ATP8A2: variants seen among roughly 807,000 people sequenced by gnomAD.
ATP8A2 encodes phospholipid-transporting ATPase IB.
A neutral mutation model predicts 165.6 loss-of-function variants in ATP8A2; 100 were observed. The observed-to-expected ratio is 0.60, with a 90% CI of 0.51 to 0.71. ATP8A2 has a LOEUF of 0.71. ATP8A2 is among the 30% of genes least tolerant of loss of function. ATP8A2 has a pLI of 0.00. For synonymous variants in ATP8A2, 543 were observed against 548.8 expected, an observed-to-expected ratio of 0.99 and a Z score of 0.15; for missense variants, 1,227 against 1,479.5, an observed-to-expected ratio of 0.83 and a Z score of 2.80.
chr13:25,858,228 T>C (rs1429441588), intron 30 of ATP8A2, among the ~76,000 whole-genome samples: 1 of 152,234 alleles, frequency 6.6e-6, no homozygotes, highest in Non-Finnish European at 1.5e-5. Context: ...TTTGAGTAAC[T>C]ATTTGCTAAT....
chr13:25,611,642 G>C (rs1264773928), intron 24 of ATP8A2, among the ~76,000 whole-genome samples: 2 of 152,048 alleles, frequency 1.3e-5, no homozygotes, highest in African/African-American at 4.8e-5. Context: ...TTTGGTATTA[G>C]GGTGACACTG....
intron 35 of ATP8A2, among the ~76,000 whole-genome samples, chr13:25,993,462 C>A (rs1054235322): frequency 1.3e-5 from 2 of 152,186 alleles, no homozygotes; most frequent in Non-Finnish European, 2.9e-5. Flanking sequence ...GTCAAATTGT[C>A]TCTGTTTGCA....
At chr13:25,727,700 G>A (rs2043525429) in intron 25 of ATP8A2, among the ~76,000 whole-genome samples, 1 of 152,146 alleles carries the variant, frequency 6.6e-6, no homozygotes, top group Non-Finnish European at 1.5e-5. Flanking sequence ...AAACGTAATT[G>A]TAGATTAACT....
At chr13:25,532,434 A>G (rs944434679) in intron 5 of ATP8A2, 117 bp downstream of exon 5, 1 of 660,058 alleles carries the variant, frequency 1.5e-6, no homozygotes, top group Admixed American at 3.4e-5. Context: ...GATGATCTAT[A>G]AAATAAAGAA....
rs146793643 is a variant in ATP8A2, at chr13:25,987,087, A to G, written c.3377+18408A>G. Among the ~76,000 whole-genome samples the G allele has an allele frequency of 1.8e-3, 269 of 152,376 alleles. 3 individuals carry two copies. The Middle Eastern group carries it at 0.034, about 19-fold the overall frequency. ...ATTCAGCTCATTCTTTAAAAAACTC[A>G]TAGCCCAAATGTTTGTTGGTTGTTT... On this transcript the variant is annotated intron_variant, in intron 35 of 36. Transcript: ENST00000381655.
At chr13:25,701,251 A>G (rs780325544) in intron 25 of ATP8A2, among the ~76,000 whole-genome samples, 21 of 152,134 alleles carry the variant, frequency 1.4e-4, no homozygotes, top group Non-Finnish European at 2.8e-4. Flanking sequence ...TCTCTTTTTA[A>G]AGTAGCTGAT....
chr13:25,936,826 A>G (rs758501171), intron 33 of ATP8A2, among the ~76,000 whole-genome samples: 7 of 152,118 alleles, frequency 4.6e-5, no homozygotes, highest in Non-Finnish European at 8.8e-5. Context: ...CACTGATGGT[A>G]TTGTCTACAC....
chr13:25,855,662 A>G (rs1384150235), intron 30 of ATP8A2, among the ~76,000 whole-genome samples: 1 of 152,008 alleles, frequency 6.6e-6, no homozygotes, highest in Non-Finnish European at 1.5e-5. Context: ...ATATGTTTTC[A>G]TTTCTCTTGG....
chr13:25,844,853 A>G (rs553272174), intron 30 of ATP8A2, among the ~76,000 whole-genome samples: 2 of 152,284 alleles, frequency 1.3e-5, no homozygotes, highest in South Asian at 2.1e-4. Flanking sequence ...TGCCTCCACC[A>G]TCTATGGAGA....
At chr13:25,870,182 T>G (rs1163213532) in intron 33 of ATP8A2, among the ~76,000 whole-genome samples, 1 of 152,220 alleles carries the variant, frequency 6.6e-6, no homozygotes, top group African/African-American at 2.4e-5. Flanking sequence ...CGGGTGCCTG[T>G]CCGTGCATTC....
At chr13:25,746,023 C>G (rs1211355880) in intron 25 of ATP8A2, among the ~76,000 whole-genome samples, 1 of 152,226 alleles carries the variant, frequency 6.6e-6, no homozygotes, top group Non-Finnish European at 1.5e-5. Flanking sequence ...GGGCTGACTT[C>G]TCGTTGATCT....
At chr13:26,019,666 A>C (rs904877893) in intron 36 of ATP8A2, among the ~76,000 whole-genome samples, 1 of 152,176 alleles carries the variant, frequency 6.6e-6, no homozygotes, top group Non-Finnish European at 1.5e-5. Flanking sequence ...CCTTCCCAGC[A>C]TCAGCAGCTA....
chr13:25,939,723 A>T (rs1199300073), intron 33 of ATP8A2, among the ~76,000 whole-genome samples: 1 of 152,132 alleles, frequency 6.6e-6, no homozygotes, highest in Non-Finnish European at 1.5e-5. Context: ...AGATCTTAGC[A>T]TCCGATTCCC....
At chr13:25,755,202 C>T (rs2044235561) in intron 25 of ATP8A2, among the ~76,000 whole-genome samples, 1 of 152,178 alleles carries the variant, frequency 6.6e-6, no homozygotes, top group South Asian at 2.1e-4. Context: ...ATGTACAGTT[C>T]TAATCAATCA....
At chr13:25,714,941 G>A (rs2043225306) in intron 25 of ATP8A2, among the ~76,000 whole-genome samples, 2 of 152,078 alleles carry the variant, frequency 1.3e-5, no homozygotes, top group African/African-American at 4.8e-5. Flanking sequence ...TGAGTGCAGG[G>A]TGCTCTTAAG....
At chr13:25,477,604 T>C (rs532997531) in intron 2 of ATP8A2, among the ~76,000 whole-genome samples, 2 of 152,328 alleles carry the variant, frequency 1.3e-5, no homozygotes, top group East Asian at 1.9e-4. Context: ...GGACGAAGGA[T>C]AGATGTCAAC....
chr13:25,781,730 G>A (rs1456286558), intron 27 of ATP8A2, among the ~76,000 whole-genome samples: 2 of 152,108 alleles, frequency 1.3e-5, no homozygotes, highest in African/African-American at 2.4e-5. Flanking sequence ...GACCTCAAGT[G>A]ATCCACCCGC....
Position 25,428,019 on chromosome 13 carries a change from A to G in ATP8A2, c.77-40958A>G, listed in dbSNP as rs369359681. ...GGCAGCATGGCAAAACCCCATCTCT[A>G]CAAAAATTACAAAAATTAGCCAGGC... is the stretch of plus-strand genomic sequence containing the variant. On this transcript the variant is annotated intron_variant, in intron 1 of 36. Coordinates refer to ENST00000381655, the MANE Select transcript of ATP8A2 (RefSeq NM_016529.6). 1.1e-4 allele frequency among the ~76,000 whole-genome samples: 16 copies of G among 152,182 alleles called. No homozygotes were observed. In the East Asian group the frequency reaches 3.1e-3, roughly 29 times the overall value.
At chr13:25,824,058 C>T (rs1951247698) in intron 27 of ATP8A2, among the ~76,000 whole-genome samples, 2 of 152,080 alleles carry the variant, frequency 1.3e-5, no homozygotes, top group South Asian at 4.1e-4. Flanking sequence ...GCAACCTCCA[C>T]CTCCCAGGTT....
Sources: allele counts gnomAD v4.1 joint callset (sites outside exome capture counted in the v4.1 genomes callset), GRCh38; gene constraint gnomAD v4.1.1; transcripts MANE v1.5; gene names NCBI Gene and HGNC (gene_info 2026-07-23, HGNC 2026-07-21).